CERKL: variants seen among roughly 807,000 people sequenced by gnomAD.
CERKL encodes CERK like autophagy regulator, also known as ceramide kinase-like protein.
A neutral mutation model predicts 63.4 loss-of-function variants in CERKL; 61 were observed. The ratio of observed to expected loss-of-function variants is 0.96; its 90% CI spans 0.78 to 1.19. The LOEUF (loss-of-function observed/expected upper bound fraction) is 1.19, where lower values mean the gene tolerates loss of function less well. CERKL is among the 50% of genes most tolerant of loss of function. The pLI is 0.00. For missense variants in CERKL, 675 were observed against 655.5 expected, an observed-to-expected ratio of 1.03 and a Z score of -0.33; for synonymous variants, 250 against 230.5, an observed-to-expected ratio of 1.08 and a Z score of -0.77.
intron 1 of CERKL, among the ~76,000 whole-genome samples, chr2:181,609,554 A>AAAAAAAAAT (rs1685873665): frequency 6.8e-6 from 1 of 147,768 alleles, no homozygotes; most frequent in Non-Finnish European, 1.5e-5. Context: ...AAAAAAAAAA[A>AAAAAAAAAT]AATTTGCCAG....
intron 6 of CERKL, 119 bp downstream of exon 6, chr2:181,549,515 C>T (rs1257606961): frequency 1.3e-6 from 1 of 788,238 alleles, no homozygotes. Context: ...TCAAACATTT[C>T]TCTACTCTAA....
chr2:181,656,376 T>C (rs547541932), intron 1 of CERKL, among the ~76,000 whole-genome samples: 1 of 152,328 alleles, frequency 6.6e-6, no homozygotes, highest in South Asian at 2.1e-4. Context: ...TCAAAGTTAA[T>C]GGATTAAAAC....
Position 181,587,273 on chromosome 2 carries a change from C to G in CERKL, c.482-13389G>C, listed in dbSNP as rs374382330. 1.5e-4 allele frequency among the ~76,000 whole-genome samples: 23 copies of G among 152,158 alleles called. No individual in the cohort carries two copies. In the East Asian group the frequency reaches 4.2e-3, roughly 28 times the overall value. On this transcript the variant is annotated intron_variant, in intron 2 of 12. Coordinates refer to ENST00000410087, the MANE Select transcript of CERKL (RefSeq NM_201548.5). ...TGTAACTTCTAAATTTACATGCAGCCCAGCAATGTAAACATATCTCTGTTT... is the reference window on the plus strand; with the variant it reads ...TGTAACTTCTAAATTTACATGCAGCGCAGCAATGTAAACATATCTCTGTTT...
chr2:181,606,813 A>T (rs1029340057), intron 1 of CERKL, among the ~76,000 whole-genome samples: 1 of 152,074 alleles, frequency 6.6e-6, no homozygotes, highest in Non-Finnish European at 1.5e-5. Flanking sequence ...CTATTACTAA[A>T]ATCACCACTT....
chr2:181,655,468 T>C (rs949708073), intron 1 of CERKL, among the ~76,000 whole-genome samples: 3 of 152,254 alleles, frequency 2.0e-5, no homozygotes, highest in Non-Finnish European at 2.9e-5. Context: ...AATAATTCCA[T>C]AGCTATATCC....
intron 1 of CERKL, chr2:181,649,783 A>T (rs1442458587): frequency 6.6e-6 from 1 of 152,406 alleles, no homozygotes; most frequent in African/African-American, 2.4e-5. Flanking sequence ...TAATCCCAGC[A>T]CTTTGGGAAG....
chr2:181,648,180 CAA>C (rs1446712967), intron 1 of CERKL, among the ~76,000 whole-genome samples: 1 of 152,088 alleles, frequency 6.6e-6, no homozygotes, highest in Non-Finnish European at 1.5e-5. Context: ...GAAGGAACCA[CAA>C]AGATTCCCAA....
chr2:181,626,017 G>T (rs1036031101), intron 1 of CERKL, among the ~76,000 whole-genome samples: 79 of 152,132 alleles, frequency 5.2e-4, no homozygotes, highest in Non-Finnish European at 1.5e-4. Flanking sequence ...CCATTATTAT[G>T]ATCCCATTTT....
intron 1 of CERKL, among the ~76,000 whole-genome samples, chr2:181,643,041 A>C (rs1687514357): frequency 6.6e-6 from 1 of 152,156 alleles, no homozygotes; most frequent in Admixed American, 6.5e-5. Context: ...GGTTCCTCTA[A>C]TTAGAAATTC....
Position 181,619,400 on chromosome 2 carries a change from T to C in CERKL, c.239-15321A>G, listed in dbSNP as rs116630855. The stretch of plus-strand genomic sequence containing the variant: ...TACAGTTCATATATATCATACCAGA[T>C]GATCTTTGCACCAATTCCTCCTGAG... On this transcript the variant is annotated intron_variant, in intron 1 of 12. Coordinates refer to ENST00000410087, the MANE Select transcript of CERKL (RefSeq NM_201548.5). Among the ~76,000 whole-genome samples, 469 of 152,154 alleles carry C rather than the reference T, an allele frequency of 3.1e-3. 4 individuals carry two copies. Among genetic ancestry groups the C allele is most frequent in the African/African-American group, 0.011 (446 of 41,518 alleles).
At chr2:181,542,909 TGAA>T (rs35661883) in intron 11 of CERKL, among the ~76,000 whole-genome samples, 34,603 of 151,986 alleles carry the variant, frequency 0.23, 4,666 homozygotes, top group Non-Finnish European at 0.31. Context: ...TTTAAAAAAA[TGAA>T]GAAGAAGAAT....
intron 3 of CERKL, among the ~76,000 whole-genome samples, chr2:181,570,448 T>G (rs1410479152): frequency 6.6e-6 from 1 of 152,206 alleles, no homozygotes; most frequent in African/African-American, 2.4e-5. Flanking sequence ...TCTCTAAAAC[T>G]TGCTTTGTTT....
At chr2:181,604,567 G>C (rs1685599387) in intron 1 of CERKL, among the ~76,000 whole-genome samples, 1 of 152,166 alleles carries the variant, frequency 6.6e-6, no homozygotes, top group Admixed American at 6.6e-5. Context: ...GATAGTCAAT[G>C]TATGAAGAAT....
intron 10 of CERKL, among the ~76,000 whole-genome samples, chr2:181,546,558 C>T (rs898690313): frequency 4.2e-4 from 64 of 152,110 alleles, no homozygotes; most frequent in African/African-American, 1.5e-3. Context: ...TTTTCAATAT[C>T]GAAGTTTGCA....
At chr2:181,578,849 A>G (rs1356210553) in intron 2 of CERKL, among the ~76,000 whole-genome samples, 1 of 151,940 alleles carries the variant, frequency 6.6e-6, no homozygotes, top group Non-Finnish European at 1.5e-5. Context: ...GTTGTTTCCA[A>G]TCTTCCTTTA....
chr2:181,613,719 C>A (rs978633794), intron 1 of CERKL, among the ~76,000 whole-genome samples: 1 of 152,172 alleles, frequency 6.6e-6, no homozygotes, highest in Non-Finnish European at 1.5e-5. Flanking sequence ...TTCAGCACTC[C>A]ATTTTTCACA....
intron 1 of CERKL, among the ~76,000 whole-genome samples, chr2:181,621,945 GAA>G (rs1477314295): frequency 6.6e-6 from 1 of 152,106 alleles, no homozygotes; most frequent in East Asian, 1.9e-4. Flanking sequence ...CAGTCTTTTA[GAA>G]AAGTTTATTG....
chr2:181,656,454 C>G (rs1307570132), intron 1 of CERKL, among the ~76,000 whole-genome samples: 1 of 152,060 alleles, frequency 6.6e-6, no homozygotes, highest in Admixed American at 6.5e-5. Flanking sequence ...CTTTGGGGCT[C>G]AAGATTTTCT....
chr2:181,571,399 A>G (rs1688896547), intron 3 of CERKL, among the ~76,000 whole-genome samples: 1 of 152,142 alleles, frequency 6.6e-6, no homozygotes, highest in Non-Finnish European at 1.5e-5. Flanking sequence ...CCTAGAACAT[A>G]ATAGTTTTGT....
Sources: gnomAD v4.1 joint callset for allele counts (sites outside exome capture counted in the v4.1 genomes callset) on GRCh38, gnomAD v4.1.1 for gene constraint, MANE v1.5 for transcripts, NCBI Gene and HGNC (gene_info 2026-07-23, HGNC 2026-07-21) for gene names.